Variants in ZNF469 observed in about 807,000 individuals in gnomAD.
ZNF469 encodes the protein zinc finger protein 469.
In ZNF469, 1 loss-of-function variant was observed where a neutral mutation model predicts 1.0. That is an observed-to-expected ratio of 1.00 (90% CI 0.35 to 4.73). The LOEUF (loss-of-function observed/expected upper bound fraction) is 4.73, where lower values mean the gene tolerates loss of function less well. Among genes scored for constraint, ZNF469 ranks in the 30% most tolerant of loss-of-function variants. ZNF469 has a pLI of 0.16. For missense variants in ZNF469, 6,100 were observed against 5,356.3 expected, an observed-to-expected ratio of 1.14 and a Z score of -4.33; for synonymous variants, 2,703 against 2,363.4, an observed-to-expected ratio of 1.14 and a Z score of -4.17.
chr16:88,192,480 C>A, the ZNF469 span, among the ~76,000 whole-genome samples: 1 of 152,226 alleles, frequency 6.6e-6, no homozygotes, highest in African/African-American at 2.4e-5. Context: ...TCCTCTGTCT[C>A]ATGGAATTTG....
chr16:88,193,003 A>ATGGTAGTGATGG, the ZNF469 span, among the ~76,000 whole-genome samples: 139 of 106,518 alleles, frequency 1.3e-3, no homozygotes, highest in African/African-American at 5.3e-3. Flanking sequence ...GGTGGTGGTG[A>ATGGTAGTGATGG]TGGTGGTGAT....
At chr16:88,228,828 C>T in the ZNF469 span, among the ~76,000 whole-genome samples, 1 of 152,140 alleles carries the variant, frequency 6.6e-6, no homozygotes, top group Non-Finnish European at 1.5e-5. Context: ...TCATAAATGG[C>T]TTTTATTTTT....
the ZNF469 span, among the ~76,000 whole-genome samples, chr16:88,120,311 T>C: frequency 5.9e-5 from 9 of 152,356 alleles, no homozygotes; most frequent in African/African-American, 1.2e-4. Context: ...CCCAGGCCCC[T>C]GCCTTCTGCT....
At chr16:88,267,678 C>T in the ZNF469 span, among the ~76,000 whole-genome samples, 5 of 151,298 alleles carry the variant, frequency 3.3e-5, no homozygotes, top group Non-Finnish European at 5.9e-5. Flanking sequence ...GGGATAAGGG[C>T]TGAGTGGAAA....
chr16:88,178,714 A>G, the ZNF469 span: 7 of 152,216 alleles, frequency 4.6e-5, no homozygotes, highest in African/African-American at 1.4e-4. Context: ...GCCTTCCCAC[A>G]TATTGGTTTT....
chr16:88,152,649 T>C, the ZNF469 span, among the ~76,000 whole-genome samples: 1 of 152,122 alleles, frequency 6.6e-6, no homozygotes, highest in South Asian at 2.1e-4. The surrounding 1 kb of genome is among the most constrained non-coding windows in gnomAD (Gnocchi z 4.2). Context: ...AAAAACCATT[T>C]GCCCCTACCT....
intron 1 of ZNF469, among the ~76,000 whole-genome samples, chr16:88,385,642 CAAAA>C (rs66861611): frequency 2.3e-5 from 3 of 133,198 alleles, no homozygotes; most frequent in Non-Finnish European, 1.6e-5. Context: ...GACTCTGTCT[CAAAA>C]AAAAAAAAAA....
At chr16:88,412,788 G>A (rs1032337717) in intron 1 of ZNF469, among the ~76,000 whole-genome samples, 1 of 152,196 alleles carries the variant, frequency 6.6e-6, no homozygotes, top group Non-Finnish European at 1.5e-5. Context: ...CCATGCCGAC[G>A]GCTTCGGCCC....
the ZNF469 span, among the ~76,000 whole-genome samples, chr16:88,259,313 C>T: frequency 6.6e-6 from 1 of 151,624 alleles, no homozygotes; most frequent in Admixed American, 6.6e-5. This position sits in a 1 kb window ranked among gnomAD's most constrained non-coding sequence, Gnocchi z 4.1. Flanking sequence ...GTCGACGCCC[C>T]CTCCTTCCCT....
the ZNF469 span, among the ~76,000 whole-genome samples, chr16:88,296,054 C>T: frequency 0.61 from 93,403 of 152,044 alleles, 28,808 homozygotes; most frequent in East Asian, 0.78. Context: ...GGATATTGCC[C>T]CTGAAGGGTG....
chr16:88,399,240 C>T (rs979668611), intron 1 of ZNF469, among the ~76,000 whole-genome samples: 4 of 152,232 alleles, frequency 2.6e-5, no homozygotes, highest in African/African-American at 9.6e-5. Context: ...CCCTCTGCTC[C>T]CTCATGTGAT....
chr16:88,199,505 C>A, the ZNF469 span, among the ~76,000 whole-genome samples: 2 of 152,246 alleles, frequency 1.3e-5, no homozygotes, highest in Non-Finnish European at 2.9e-5. Flanking sequence ...TCTGCTCCCA[C>A]CTCCTGTGCC....
chr16:88,181,842 C>G, the ZNF469 span, among the ~76,000 whole-genome samples: 1 of 152,218 alleles, frequency 6.6e-6, no homozygotes, highest in Non-Finnish European at 1.5e-5. Context: ...CAGAATGTCA[C>G]TCTCATCACT....
the ZNF469 span, among the ~76,000 whole-genome samples, chr16:88,146,781 G>A: frequency 2.0e-5 from 3 of 152,054 alleles, no homozygotes; most frequent in Non-Finnish European, 2.9e-5. Context: ...AAGGGCCTGC[G>A]GGAGGGACTC....
At chr16:88,340,619 G>A in the ZNF469 span, among the ~76,000 whole-genome samples, 238 of 152,304 alleles carry the variant, frequency 1.6e-3, 1 homozygote, top group African/African-American at 5.4e-3. Context: ...ACAGAGCTGA[G>A]GCCCAGAGGG....
At chr16:88,383,350 G>A (rs1041415782) in intron 1 of ZNF469, among the ~76,000 whole-genome samples, 96 bp downstream of exon 1, 1 of 147,634 alleles carries the variant, frequency 6.8e-6, no homozygotes, top group Non-Finnish European at 1.5e-5. Context: ...GGGGGTCTCC[G>A]GCCCGGCTCC....
chr16:88,323,845 G>T, the ZNF469 span, among the ~76,000 whole-genome samples: 5 of 152,256 alleles, frequency 3.3e-5, no homozygotes, highest in Non-Finnish European at 5.9e-5. Flanking sequence ...GCAAAAGGGT[G>T]TTGTGTGTCC....
chr16:88,419,889 C>T (rs1467342838), intron 1 of ZNF469, among the ~76,000 whole-genome samples: 1 of 152,262 alleles, frequency 6.6e-6, no homozygotes, highest in Non-Finnish European at 1.5e-5. Context: ...GCCTGTGGGG[C>T]TCACGCAATG....
At chr16:88,175,669 C>T in the ZNF469 span, among the ~76,000 whole-genome samples, 407 of 152,336 alleles carry the variant, frequency 2.7e-3, 4 homozygotes, top group African/African-American at 9.4e-3. Flanking sequence ...CAATCCATCA[C>T]ACTGTATAGA....
Sources: allele counts gnomAD v4.1 joint callset (sites outside exome capture counted in the v4.1 genomes callset), GRCh38; gene constraint gnomAD v4.1.1; non-coding constraint Gnocchi (gnomAD v3.1); transcripts MANE v1.5; gene names NCBI Gene and HGNC (gene_info 2026-07-23, HGNC 2026-07-21).